The following CCT6A variants were observed in gnomAD, a reference collection of about 807,000 sequenced individuals.
The protein encoded by CCT6A is chaperonin containing TCP1 subunit 6A.
In CCT6A, 6 loss-of-function variants were observed where a neutral mutation model predicts 58.6. That is an observed-to-expected ratio of 0.10 (90% CI 0.06 to 0.20). The LOEUF is 0.20. Ranked by LOEUF, CCT6A falls within the 10% of genes least tolerant of loss-of-function variation. The probability of loss-of-function intolerance (pLI) is 1.00; values close to 1 mark genes in which losing one functional copy is unlikely to be tolerated. For missense variants in CCT6A, 516 were observed against 648.8 expected (o/e 0.80, Z 2.22); for synonymous variants, 245 against 227.8 (o/e 1.08, Z -0.68).
At chr7:56,059,832 A>G in intron 9 of CCT6A, 192 bp downstream of exon 9, 2 of 518,700 alleles carry the variant, frequency 3.9e-6, no homozygotes, top group South Asian at 5.1e-5. Context: ...GGGACCACAG[A>G]CGTGTGTGCT....
At position 56,057,996 on chromosome 7, in the gene CCT6A, A is replaced by T; in HGVS notation, c.618A>T (p.Leu206Phe). Residue 206 changes from leucine to phenylalanine, a missense_variant, in exon 6 of 14, where the codon TTA (leucine) becomes TTT (phenylalanine). This residue lies in a region of CCT6A where 85 missense variants were observed against 74.9 expected (regional missense o/e 1.13). Coordinates refer to ENST00000275603, the MANE Select transcript of CCT6A (RefSeq NM_001762.4). ...MKHKSETDTS[L>F]IRGLVLDHGA... ...AATTTTGTGTGTGTTTAAACAGCTT[A>T]ATCAGAGGGCTTGTTTTGGACCACG... 1 of 1,590,564 alleles carries T rather than the reference A, an allele frequency of 6.3e-7. No individual in the cohort carries two copies. Among genetic ancestry groups the T allele is most frequent in the African/African-American group, 1.3e-5 (1 of 74,498 alleles).
intron 2 of CCT6A, 42 bp from the exon 3 acceptor site, chr7:56,054,327 C>T (rs1172058535): frequency 6.5e-7 from 1 of 1,547,886 alleles, no homozygotes; most frequent in South Asian, 1.1e-5. Flanking sequence ...ATTTAGACTG[C>T]TTCATATTGT....
rs1460824706 is a variant in CCT6A, at chr7:56,054,567, A to T, written c.336+64A>T. On this transcript the variant is annotated intron_variant, in intron 3 of 13. Transcript: ENST00000275603. ...ATAGGAAGTGTCTGATATTTATACAAATTGATGTGCTGTTAATAGTAGCTG... is the reference window on the plus strand; with the variant it reads ...ATAGGAAGTGTCTGATATTTATACATATTGATGTGCTGTTAATAGTAGCTG... 6 of 1,498,718 alleles carry T rather than the reference A, an allele frequency of 4.0e-6. No individual in the cohort carries two copies. In the African/African-American group the frequency reaches 8.3e-5, roughly 21 times the overall value. The allele number at this position is 1,498,718 out of a possible 1,614,324, so 92.8% of individuals were successfully genotyped here.
intron 4 of CCT6A, among the ~76,000 whole-genome samples, chr7:56,056,064 T>A (rs2117338317): frequency 6.6e-6 from 1 of 152,108 alleles, no homozygotes; most frequent in South Asian, 2.1e-4. Flanking sequence ...GTTACCAGTA[T>A]TTTTAATAAA....
intron 4 of CCT6A, 181 bp downstream of exon 4, chr7:56,055,978 C>A: frequency 7.3e-6 from 4 of 546,782 alleles, no homozygotes; most frequent in Non-Finnish European, 1.3e-5. Context: ...GTATACCTAA[C>A]CAGGTTATAA....
rs1276889052 is a variant in CCT6A at position 56,055,314 on chromosome 7, A to G, written c.337-310A>G. 2.4e-5 allele frequency: 9 copies of G among 374,870 alleles called. No individual in the cohort carries two copies. In the East Asian group the frequency reaches 2.7e-4, roughly 11 times the overall value. The allele number at this position is 374,870 out of a possible 1,614,324, so 23.2% of individuals were successfully genotyped here. The stretch of plus-strand genomic sequence containing the variant: ...AAAATAAAGATAGGATAATGCTACC[A>G]TCTGTGAGTTGTTGGGACACAGTGT... On this transcript the variant is annotated intron_variant, in intron 3 of 13. Transcript: ENST00000275603.
rs567948145 is a variant in CCT6A at position 56,058,080 on chromosome 7, C to T, written c.702C>T (p.Asn234=). The T allele has an allele frequency of 3.1e-6, 5 of 1,598,074 alleles. No homozygotes were observed. The highest frequency in any genetic ancestry group is 3.3e-5 in the Admixed American group (2 of 59,980). Residue 234 remains asparagine, a synonymous_variant, in exon 6 of 14, where the codon AAC becomes AAT. Coordinates refer to ENST00000275603, the MANE Select transcript of CCT6A (RefSeq NM_001762.4). ...RVEDAYILTC[N]VSLEYEKTEV... Reference sequence around the variant, plus strand: ...AGGATGCATACATCCTCACTTGTAACGTGTCATTAGAGTATGAGAAAACGT... The same window carrying T: ...AGGATGCATACATCCTCACTTGTAATGTGTCATTAGAGTATGAGAAAACGT...
At chr7:56,054,003 G>C (rs572970262) in intron 2 of CCT6A, among the ~76,000 whole-genome samples, 1 of 152,182 alleles carries the variant, frequency 6.6e-6, no homozygotes, top group South Asian at 2.1e-4. Flanking sequence ...TAATTATAAT[G>C]TGTGTGCCCT....
chr7:56,061,229 T>C (rs576713071), intron 11 of CCT6A, among the ~76,000 whole-genome samples: 1 of 152,294 alleles, frequency 6.6e-6, no homozygotes, highest in East Asian at 1.9e-4. Context: ...ACTGATATCA[T>C]TGTTTTCTAT....
chr7:56,061,666 T>G, intron 11 of CCT6A, 81 bp from the exon 12 acceptor site: 1 of 664,372 alleles, frequency 1.5e-6, no homozygotes, highest in Non-Finnish European at 2.4e-6. Flanking sequence ...TTTTTCTTTT[T>G]TCTTTTTTTT....
At chr7:56,062,577 CAT>C (rs1794480090) in intron 12 of CCT6A, 104 bp from the exon 13 acceptor site, 4 of 935,596 alleles carry the variant, frequency 4.3e-6, no homozygotes, top group South Asian at 4.1e-5. Flanking sequence ...TTTGAATTCT[CAT>C]AGTTAATACT....
chr7:56,052,535 T>C, intron 2 of CCT6A, 50 bp downstream of exon 2: 1 of 1,457,790 alleles, frequency 6.9e-7, no homozygotes, highest in South Asian at 1.1e-5. Flanking sequence ...TTCCGTAGAA[T>C]GTTTTCTTTG....
rs569063467 is a variant in CCT6A, at chr7:56,058,600, A to G, written c.886-20A>G. 6.9e-6 allele frequency: 11 copies of G among 1,591,450 alleles called. No individual in the cohort carries two copies. Among genetic ancestry groups the G allele is most frequent in the African/African-American group, 1.4e-5 (1 of 74,006 alleles). ...TTTTAAGGTGAAAGATGTTGAAATTAATTTTTATTTTTGTTACAGGGAATT... is the reference window on the plus strand; with the variant it reads ...TTTTAAGGTGAAAGATGTTGAAATTGATTTTTATTTTTGTTACAGGGAATT... On this transcript the variant is annotated intron_variant, in intron 7 of 13. Coordinates refer to ENST00000275603, the MANE Select transcript of CCT6A (RefSeq NM_001762.4).
chr7:56,058,566 C>T lies in CCT6A; in HGVS notation c.885+45C>T, dbSNP rs755628988. 4.5e-6 allele frequency: 7 copies of T among 1,571,648 alleles called. No homozygotes were observed. The East Asian group carries it at 1.3e-4, about 30-fold the overall frequency. On this transcript the variant is annotated intron_variant, in intron 7 of 13. Coordinates refer to ENST00000275603, the MANE Select transcript of CCT6A (RefSeq NM_001762.4). ...GTATAAACTAAATAGTACGTATCAT[C>T]CTTTTTACTTTTAAGGTGAAAGATG...
At chr7:56,057,890 A>G (rs1202659031) in intron 5 of CCT6A, 103 bp from the exon 6 acceptor site, 8 of 705,950 alleles carry the variant, frequency 1.1e-5, no homozygotes, top group African/African-American at 5.3e-5. Context: ...CAAAAAAGAA[A>G]AATGTGACTG....
rs1227589278 is a variant in CCT6A, at chr7:56,059,767, C to T, written c.1065+127C>T. 5 of 590,014 alleles carry T rather than the reference C, an allele frequency of 8.5e-6. No homozygotes were observed. In the East Asian group the frequency reaches 8.7e-5, roughly 10 times the overall value. 36.5% of individuals were successfully genotyped at this position (590,014 alleles called of 1,614,324 possible). Reference sequence around the variant, plus strand: ...GCAGTGGTGTGATCACAGTTCACTACAGCCTCATCTTCCTGGGTTCAAGTG... The same window carrying T: ...GCAGTGGTGTGATCACAGTTCACTATAGCCTCATCTTCCTGGGTTCAAGTG... On this transcript the variant is annotated intron_variant, in intron 9 of 13. Coordinates refer to ENST00000275603, the MANE Select transcript of CCT6A (RefSeq NM_001762.4).
At chr7:56,061,069 A>AC (rs1794421175) in intron 11 of CCT6A, 129 bp downstream of exon 11, 1 of 973,246 alleles carries the variant, frequency 1.0e-6, no homozygotes, top group Non-Finnish European at 1.5e-6. Context: ...TGACTCTAGA[A>AC]CAGGTATTCC....
In CCT6A at chr7:56,052,343, G is replaced by C; in HGVS notation, c.138-79G>C. ...CACATCCCTGGCTCCCTAAAATCTG[G>C]GAAAAGCCCGTTTTCTAATGGGACT... On this transcript the variant is annotated intron_variant, in intron 1 of 13. Transcript: ENST00000275603. The C allele has an allele frequency of 3.0e-6, 4 of 1,346,310 alleles. No homozygotes were observed. The Admixed American group carries it at 6.8e-5, about 23-fold the overall frequency. The allele number at this position is 1,346,310 out of a possible 1,614,324, so 83.4% of individuals were successfully genotyped here. A position where few individuals can be genotyped will look rare whatever the true frequency, so the allele number is the denominator to read the frequency against.
At chr7:56,055,835 C>G (rs1369875993) in intron 4 of CCT6A, 38 bp downstream of exon 4, 2 of 1,441,554 alleles carry the variant, frequency 1.4e-6, no homozygotes, top group Non-Finnish European at 1.9e-6. Context: ...GTATAGTATA[C>G]CTATATAGAA....
Sources: allele counts gnomAD v4.1 joint callset (sites outside exome capture counted in the v4.1 genomes callset), GRCh38; gene constraint gnomAD v4.1.1; regional missense constraint gnomAD v4.1.1; transcripts MANE v1.5; gene names NCBI Gene and HGNC (gene_info 2026-07-23, HGNC 2026-07-21).